The following LTBP1 variants were observed in gnomAD, a reference collection of about 807,000 sequenced individuals.
The protein encoded by LTBP1 is latent-transforming growth factor beta-binding protein 1.
A neutral mutation model predicts 207.6 loss-of-function variants in LTBP1; 129 were observed. The ratio of observed to expected loss-of-function variants is 0.62; its 90% CI spans 0.54 to 0.72. LTBP1 has a LOEUF of 0.72. Among genes scored for constraint, LTBP1 ranks in the 30% least tolerant of loss-of-function variants. The probability of loss-of-function intolerance (pLI) is 0.00; values close to 1 mark genes in which losing one functional copy is unlikely to be tolerated. For synonymous variants in LTBP1, 963 were observed against 833.7 expected (o/e 1.16, Z -2.67); for missense variants, 2,281 against 2,217.2 (o/e 1.03, Z -0.58).
intron 7 of LTBP1, among the ~76,000 whole-genome samples, chr2:33,193,795 C>T (rs2088210692): frequency 6.6e-6 from 1 of 152,112 alleles, no homozygotes. Flanking sequence ...AGATGGCAAA[C>T]TTAATTGATA....
intron 4 of LTBP1, among the ~76,000 whole-genome samples, chr2:33,117,972 T>C (rs927302948): frequency 1.3e-5 from 2 of 152,032 alleles, no homozygotes; most frequent in African/African-American, 4.8e-5. Context: ...ATCACACTCA[T>C]GTGAAGAGAG....
chr2:32,972,746 G>A (rs985438592), intron 2 of LTBP1, among the ~76,000 whole-genome samples: 7 of 152,066 alleles, frequency 4.6e-5, no homozygotes, highest in African/African-American at 1.7e-4. Flanking sequence ...TTTAAAAGTG[G>A]CAGTTTCCCC....
chr2:32,993,504 G>C (rs1011205250), intron 2 of LTBP1, among the ~76,000 whole-genome samples: 1 of 152,110 alleles, frequency 6.6e-6, no homozygotes. Flanking sequence ...AGACCCTCAG[G>C]AAATCCTTGC....
At chr2:33,289,030 T>A (rs894500638) in intron 19 of LTBP1, among the ~76,000 whole-genome samples, 1 of 152,162 alleles carries the variant, frequency 6.6e-6, no homozygotes, top group African/African-American at 2.4e-5. Context: ...TAAGGATAAA[T>A]CATGCTAGAC....
intron 3 of LTBP1, among the ~76,000 whole-genome samples, chr2:33,067,035 A>G (rs1341001412): frequency 1.3e-5 from 2 of 152,144 alleles, no homozygotes; most frequent in Non-Finnish European, 2.9e-5. Context: ...AAAGCCAGGC[A>G]TGGTGGCATG....
chr2:33,324,863 G>T (rs755523945), intron 24 of LTBP1, among the ~76,000 whole-genome samples: 1 of 151,724 alleles, frequency 6.6e-6, no homozygotes, highest in African/African-American at 2.4e-5. Context: ...CACCACACCC[G>T]ACTAATTTTG....
chr2:32,984,564 A>G (rs139586798), intron 2 of LTBP1, among the ~76,000 whole-genome samples: 91 of 152,362 alleles, frequency 6.0e-4, no homozygotes, highest in African/African-American at 2.1e-3. Context: ...GTAAAGCTCA[A>G]AAGAAAAGAA....
intron 7 of LTBP1, among the ~76,000 whole-genome samples, chr2:33,205,408 G>A (rs1350422763): frequency 6.6e-6 from 1 of 152,148 alleles, no homozygotes; most frequent in Non-Finnish European, 1.5e-5. Context: ...CATGAATTGT[G>A]GGTAAATATA....
intron 20 of LTBP1, among the ~76,000 whole-genome samples, chr2:33,298,147 G>A (rs1428750675): frequency 6.6e-6 from 1 of 152,118 alleles, no homozygotes; most frequent in Non-Finnish European, 1.5e-5. Flanking sequence ...GCTTTCTTTT[G>A]GCTCAGAAAT....
At chr2:33,212,541 A>G (rs1423239036) in intron 7 of LTBP1, among the ~76,000 whole-genome samples, 1 of 152,232 alleles carries the variant, frequency 6.6e-6, no homozygotes, top group Non-Finnish European at 1.5e-5. Flanking sequence ...TAGACCTTGC[A>G]GAAATCGTAA....
intron 10 of LTBP1, among the ~76,000 whole-genome samples, chr2:33,246,179 G>A (rs1206858068): frequency 6.6e-6 from 1 of 152,208 alleles, no homozygotes; most frequent in East Asian, 1.9e-4. Flanking sequence ...AGAGTTCGAA[G>A]TGAAAACCTG....
intron 7 of LTBP1, among the ~76,000 whole-genome samples, chr2:33,209,577 A>G (rs1446926462): frequency 1.3e-5 from 2 of 152,238 alleles, no homozygotes; most frequent in African/African-American, 4.8e-5. Context: ...GCATTAATTC[A>G]CTGAGTATTT....
chr2:33,125,568 C>A (rs1030430294), intron 4 of LTBP1, among the ~76,000 whole-genome samples: 1 of 152,252 alleles, frequency 6.6e-6, no homozygotes, highest in African/African-American at 2.4e-5. Context: ...CACGGTGGCT[C>A]ACGCTTGTAA....
intron 3 of LTBP1, among the ~76,000 whole-genome samples, chr2:33,105,953 A>C (rs1572660071): frequency 6.6e-6 from 1 of 152,240 alleles, no homozygotes; most frequent in African/African-American, 2.4e-5. Context: ...AATGAAAGTC[A>C]GTCCTCTCAA....
In LTBP1 at chr2:33,188,729, C is replaced by T. The variant is rs1176747870; in HGVS notation, c.1579C>T (p.Pro527Ser). 2 of 1,614,176 alleles carry T rather than the reference C, an allele frequency of 1.2e-6. No homozygotes were observed. The highest frequency in any genetic ancestry group is 2.2e-5 in the South Asian group (2 of 91,084). Residue 527 changes from proline to serine, a missense_variant, in exon 7 of 34, where the codon CCT becomes TCT. By Grantham distance (74) the Pro-to-Ser change is moderately conservative (BLOSUM62 -1). Transcript: ENST00000404816. ...GQSQVSYQGL[P>S]VQKTQTIHST... The stretch of plus-strand genomic sequence containing the variant: ...ATCCCAAGTCTCGTACCAAGGGCTT[C>T]CTGTCCAGAAGACCCAGACCATACA...
chr2:33,393,792 T>C (rs571545608), intron 32 of LTBP1, among the ~76,000 whole-genome samples: 1 of 152,322 alleles, frequency 6.6e-6, no homozygotes, highest in East Asian at 1.9e-4. Flanking sequence ...TTTATAAACC[T>C]TTGGGTATAT....
intron 23 of LTBP1, among the ~76,000 whole-genome samples, chr2:33,309,949 C>CT (rs397984258): frequency 0.079 from 10,821 of 136,314 alleles, 1,180 homozygotes; most frequent in African/African-American, 0.22. Flanking sequence ...CCCGCCATTG[C>CT]TTTTTTTTTT....
At chr2:33,319,122 G>A (rs918570562) in intron 24 of LTBP1, among the ~76,000 whole-genome samples, 1 of 152,098 alleles carries the variant, frequency 6.6e-6, no homozygotes, top group Non-Finnish European at 1.5e-5. Flanking sequence ...ATCTGACCAG[G>A]CACAGTGGTT....
chr2:33,011,653 C>T (rs368302869), intron 2 of LTBP1, among the ~76,000 whole-genome samples: 46 of 151,958 alleles, frequency 3.0e-4, no homozygotes, highest in East Asian at 3.9e-4. Context: ...TATTTAAGCC[C>T]CTGACTCTGT....
Sources: allele counts gnomAD v4.1 joint callset (sites outside exome capture counted in the v4.1 genomes callset), GRCh38; gene constraint gnomAD v4.1.1; transcripts MANE v1.5; gene names NCBI Gene and HGNC (gene_info 2026-07-23, HGNC 2026-07-21).